The following TMEM230 variants were observed in gnomAD, a reference collection of about 807,000 sequenced individuals.
TMEM230 encodes UPF0414 transmembrane protein C20orf30.
Under a neutral mutation model 15.8 loss-of-function variants are expected in TMEM230, and 10 were observed. The ratio of observed to expected loss-of-function variants is 0.63; its 90% CI spans 0.39 to 1.07. The LOEUF is 1.07. TMEM230 is among the 50% of genes least tolerant of loss of function. TMEM230 has a pLI of 0.01. For synonymous variants in TMEM230, 67 were observed against 76.9 expected, an observed-to-expected ratio of 0.87 and a Z score of 0.68; for missense variants, 165 against 193.3, an observed-to-expected ratio of 0.85 and a Z score of 0.87.
intron 3 of TMEM230, among the ~76,000 whole-genome samples, chr20:5,087,718 T>C (rs1308827953): frequency 2.6e-4 from 29 of 113,390 alleles, no homozygotes; most frequent in African/African-American, 6.8e-4. Context: ...TTTTTTTTTT[T>C]CCTGGGACTA....
intron 3 of TMEM230, among the ~76,000 whole-genome samples, chr20:5,091,138 A>G (rs1211740191): frequency 6.6e-6 from 1 of 152,216 alleles, no homozygotes; most frequent in African/African-American, 2.4e-5. Flanking sequence ...AGCTGGGACT[A>G]CAGGTATGGG....
At chr20:5,086,538 C>CAAAA (rs542162305) in intron 3 of TMEM230, among the ~76,000 whole-genome samples, 3 of 88,980 alleles carry the variant, frequency 3.4e-5, no homozygotes, top group Non-Finnish European at 4.4e-5. Flanking sequence ...GACTCTGTCT[C>CAAAA]AAAAAAAAAA....
chr20:5,107,757 TGA>T (rs930079690), intron 3 of TMEM230, among the ~76,000 whole-genome samples: 7 of 148,954 alleles, frequency 4.7e-5, no homozygotes, highest in African/African-American at 1.5e-4. Flanking sequence ...AAGGTTACAG[TGA>T]GTCTTGATTG....
chr20:5,093,413 A>G (rs2089567585), intron 3 of TMEM230, among the ~76,000 whole-genome samples: 1 of 150,966 alleles, frequency 6.6e-6, no homozygotes, highest in African/African-American at 2.4e-5. Context: ...ATACCTGGCT[A>G]ATTTTTTTGT....
At chr20:5,105,097 C>G (rs1256626753) in intron 4 of TMEM230, among the ~76,000 whole-genome samples, 1 of 152,176 alleles carries the variant, frequency 6.6e-6, no homozygotes, top group African/African-American at 2.4e-5. Flanking sequence ...CCAGCCTGGC[C>G]AACATGGCAA....
At chr20:5,083,084 C>A (rs2089230680) in intron 3 of TMEM230, among the ~76,000 whole-genome samples, 1 of 151,856 alleles carries the variant, frequency 6.6e-6, no homozygotes, top group Admixed American at 6.6e-5. Flanking sequence ...TGCACCACCA[C>A]AACTGGCTAA....
intron 3 of TMEM230, among the ~76,000 whole-genome samples, chr20:5,085,372 T>A (rs1337215223): frequency 6.6e-6 from 1 of 152,108 alleles, no homozygotes; most frequent in Non-Finnish European, 1.5e-5. Flanking sequence ...CACTGCAACC[T>A]CTGCCTCCTG....
At chr20:5,092,638 C>T (rs1480535841) in intron 3 of TMEM230, among the ~76,000 whole-genome samples, 1 of 151,458 alleles carries the variant, frequency 6.6e-6, no homozygotes, top group Non-Finnish European at 1.5e-5. Flanking sequence ...ATCGCTTGAA[C>T]CCGGAGGCAG....
At chr20:5,088,308 C>CAA (rs777211538) in intron 3 of TMEM230, among the ~76,000 whole-genome samples, 28 of 50,820 alleles carry the variant, frequency 5.5e-4, no homozygotes, top group African/African-American at 5.7e-4. Context: ...GACTCTGTCT[C>CAA]AAAAAAAAAA....
chr20:5,066,498 C>T (rs1203471523), downstream of TMEM230, among the ~76,000 whole-genome samples: 2 of 151,904 alleles, frequency 1.3e-5, no homozygotes, highest in Non-Finnish European at 2.9e-5. Context: ...GGTGAAACCC[C>T]GTTTCTACTA....
chr20:5,108,696 G>A (rs2090190839), intron 3 of TMEM230, among the ~76,000 whole-genome samples: 2 of 152,090 alleles, frequency 1.3e-5, no homozygotes, highest in African/African-American at 4.8e-5. Context: ...CTACTTCCTC[G>A]TTGGCCCTAG....
intron 3 of TMEM230, among the ~76,000 whole-genome samples, chr20:5,082,967 G>A (rs1213118218): frequency 2.1e-5 from 3 of 140,856 alleles, no homozygotes; most frequent in East Asian, 2.1e-4. Flanking sequence ...CACTCTTGTC[G>A]CCCAGGCTGT....
At position 5,109,446 on chromosome 20, in the gene TMEM230, C is replaced by T. The variant is rs144617059; in HGVS notation, c.175-1G>A. 1.1e-5 allele frequency: 18 copies of T among 1,612,620 alleles called. No homozygotes were observed. The highest frequency in any genetic ancestry group is 1.5e-5 in the Non-Finnish European group (18 of 1,179,038). On this transcript the variant is annotated splice_acceptor_variant, in intron 2 of 4. Transcript: ENST00000342308. LOFTEE classifies it high-confidence loss of function. ...ACGGCATCATAACACGCTGACACAG[C>T]TACAGTTTAAAAACAAAAAACCCGT... is the stretch of plus-strand genomic sequence containing the variant.
chr20:5,111,749 G>A (rs1435956835), intron 1 of TMEM230: 43 of 974,056 alleles, frequency 4.4e-5, no homozygotes, highest in Admixed American at 6.2e-5. Flanking sequence ...CACAATAATG[G>A]TGGTTAGTAC....
intron 3 of TMEM230, among the ~76,000 whole-genome samples, chr20:5,107,635 G>A (rs6139624): frequency 6.6e-6 from 1 of 152,208 alleles, no homozygotes; most frequent in African/African-American, 2.4e-5. Flanking sequence ...GGGGATTTAA[G>A]AGATCCTGTC....
In TMEM230 at chr20:5,071,336, T is replaced by C. The variant is rs150491104; in HGVS notation, c.223-1987A>G. ...GCATGAATATGCATGTAAGGGTACATAGATTTGGCCGGGCATGGTGGCTCA... is the reference window on the plus strand; with the variant it reads ...GCATGAATATGCATGTAAGGGTACACAGATTTGGCCGGGCATGGTGGCTCA... On this transcript the variant is annotated intron_variant, in intron 3 of 3. Coordinates refer to the TMEM230 transcript ENST00000612323. 1.9e-3 allele frequency among the ~76,000 whole-genome samples: 289 copies of C among 151,726 alleles called. 3 individuals are homozygous for C. The highest frequency in any genetic ancestry group is 6.6e-3 in the African/African-American group (272 of 41,370).
At chr20:5,078,204 A>C (rs981448113) in intron 3 of TMEM230, among the ~76,000 whole-genome samples, 8 of 151,798 alleles carry the variant, frequency 5.3e-5, no homozygotes, top group Non-Finnish European at 8.8e-5. Flanking sequence ...GCTTAGAGGG[A>C]CTCTGTGCTT....
chr20:5,072,199 C>T (rs1221899897), intron 3 of TMEM230, among the ~76,000 whole-genome samples: 1 of 152,154 alleles, frequency 6.6e-6, no homozygotes, highest in Non-Finnish European at 1.5e-5. Context: ...TATAGGCATG[C>T]ACCACCATGC....
chr20:5,061,445 C>G, the TMEM230 span: 2 of 152,324 alleles, frequency 1.3e-5, no homozygotes, highest in Admixed American at 6.5e-5. Flanking sequence ...CTCCCTGAGT[C>G]ACATCCTGCA....
Sources: gnomAD v4.1 joint callset for allele counts (sites outside exome capture counted in the v4.1 genomes callset) on GRCh38, gnomAD v4.1.1 for gene constraint, MANE v1.5 for transcripts, NCBI Gene and HGNC (gene_info 2026-07-23, HGNC 2026-07-21) for gene names.